The following ARFGEF2 variants were observed in gnomAD, a reference collection of about 807,000 sequenced individuals.
ARFGEF2 encodes brefeldin A-inhibited guanine nucleotide-exchange protein 2.
Under a neutral mutation model 219.9 loss-of-function variants are expected in ARFGEF2, and 74 were observed. The ratio of observed to expected loss-of-function variants is 0.34; its 90% CI spans 0.28 to 0.41. The LOEUF (loss-of-function observed/expected upper bound fraction) is 0.41, where lower values mean the gene tolerates loss of function less well. Ranked by LOEUF, ARFGEF2 falls within the 10% of genes least tolerant of loss-of-function variation. The probability of loss-of-function intolerance (pLI) is 1.00; values close to 1 mark genes in which losing one functional copy is unlikely to be tolerated. For synonymous variants in ARFGEF2, 733 were observed against 799.2 expected, an observed-to-expected ratio of 0.92 and a Z score of 1.40; for missense variants, 1,743 against 2,218.3, an observed-to-expected ratio of 0.79 and a Z score of 4.30.
At chr20:48,925,083 G>A (rs564275670) in intron 1 of ARFGEF2, among the ~76,000 whole-genome samples, 4 of 152,278 alleles carry the variant, frequency 2.6e-5, no homozygotes, top group African/African-American at 7.2e-5. Flanking sequence ...ATGTAATTAC[G>A]TGATTGAAAG....
chr20:49,002,762 GC>G (rs67267737), intron 25 of ARFGEF2, among the ~76,000 whole-genome samples: 151,932 of 151,938 alleles, frequency 1, 75,963 homozygotes, highest in South Asian at 1. Flanking sequence ...TCCTGCCTCA[GC>G]CCTCCCAAGT....
At chr20:48,971,478 G>GT (rs973859374) in intron 10 of ARFGEF2, 124 bp downstream of exon 10, 2 of 905,644 alleles carry the variant, frequency 2.2e-6, no homozygotes. Flanking sequence ...TCATGAAAAT[G>GT]TTTCATATCT....
intron 36 of ARFGEF2, among the ~76,000 whole-genome samples, chr20:49,025,684 C>G (rs1439390598): frequency 6.6e-6 from 1 of 152,120 alleles, no homozygotes; most frequent in African/African-American, 2.4e-5. Flanking sequence ...GATAAAAAGA[C>G]AAATTGAGGC....
intron 19 of ARFGEF2, 35 bp downstream of exon 19, chr20:48,989,471 A>G: frequency 3.1e-6 from 5 of 1,614,240 alleles, no homozygotes; most frequent in Non-Finnish European, 4.2e-6. Flanking sequence ...GCATGTGGCT[A>G]AGCCTGATTC....
intron 25 of ARFGEF2, among the ~76,000 whole-genome samples, chr20:49,001,051 ACT>A (rs368613454): frequency 3.0e-5 from 4 of 134,074 alleles, no homozygotes; most frequent in South Asian, 4.6e-4. Flanking sequence ...AAACTCAGGA[ACT>A]CTTTTTTTTT....
intron 6 of ARFGEF2, among the ~76,000 whole-genome samples, chr20:48,959,985 T>A (rs1447929804): frequency 6.6e-6 from 1 of 152,212 alleles, no homozygotes; most frequent in African/African-American, 2.4e-5. Context: ...ATTTTGTGAA[T>A]TTTATTGCTT....
At chr20:48,924,763 TAGG>T (rs1349894403) in intron 1 of ARFGEF2, among the ~76,000 whole-genome samples, 2 of 151,786 alleles carry the variant, frequency 1.3e-5, no homozygotes, top group Non-Finnish European at 2.9e-5. Context: ...AGATGTTAGC[TAGG>T]AGTGTATTCT....
At chr20:48,937,304 C>T (rs191208501) in intron 1 of ARFGEF2, among the ~76,000 whole-genome samples, 1 of 152,380 alleles carries the variant, frequency 6.6e-6, no homozygotes, top group African/African-American at 2.4e-5. Context: ...CGCCCTCTCC[C>T]AGCCCCTCCA....
intron 5 of ARFGEF2, 113 bp from the exon 6 acceptor site, chr20:48,953,443 T>C (rs1470080592): frequency 9.0e-6 from 9 of 995,640 alleles, no homozygotes; most frequent in Non-Finnish European, 1.3e-5. Flanking sequence ...TCCAAAGTGC[T>C]GAAATTATAG....
At chr20:48,977,766 A>G (rs1223720915) in intron 14 of ARFGEF2, among the ~76,000 whole-genome samples, 3 of 152,198 alleles carry the variant, frequency 2.0e-5, no homozygotes, top group African/African-American at 7.2e-5. Flanking sequence ...TTGGCTACAT[A>G]AATGTCTTCT....
intron 16 of ARFGEF2, among the ~76,000 whole-genome samples, chr20:48,986,413 G>C (rs1200370788): frequency 6.6e-6 from 1 of 152,074 alleles, no homozygotes; most frequent in Non-Finnish European, 1.5e-5. Context: ...CAGATCACTT[G>C]GGGTCAGGAG....
intron 8 of ARFGEF2, among the ~76,000 whole-genome samples, chr20:48,968,160 A>AT (rs781030455): frequency 6.6e-6 from 1 of 151,494 alleles, no homozygotes; most frequent in Non-Finnish European, 1.5e-5. Flanking sequence ...CGCCTGGCTA[A>AT]TTTTTTGTAT....
intron 25 of ARFGEF2, among the ~76,000 whole-genome samples, chr20:49,000,483 G>T (rs2091418727): frequency 6.6e-6 from 1 of 152,206 alleles, no homozygotes; most frequent in Admixed American, 6.5e-5. Flanking sequence ...TGATCCAGGG[G>T]AACTATTTGT....
At chr20:49,022,581 G>A (rs747645510) in intron 34 of ARFGEF2, among the ~76,000 whole-genome samples, 3 of 152,166 alleles carry the variant, frequency 2.0e-5, no homozygotes, top group South Asian at 2.1e-4. Context: ...CACAGAACCT[G>A]CATAGCTGAT....
intron 6 of ARFGEF2, among the ~76,000 whole-genome samples, chr20:48,955,439 T>C (rs990473107): frequency 2.0e-5 from 3 of 152,198 alleles, no homozygotes; most frequent in Non-Finnish European, 1.5e-5. Context: ...TGTTCACTTG[T>C]TCCTGCACTG....
rs1314343479 is a variant in ARFGEF2, at chr20:48,985,548, A to G, written c.2211A>G (p.Gly737=). Reference sequence around the variant, plus strand: ...TCCTAGAAGGTTTCCGCCTACCTGGAGAAGCCCAAAAGATTGACCGATTAA... The same window carrying G: ...TCCTAGAAGGTTTCCGCCTACCTGGGGAAGCCCAAAAGATTGACCGATTAA... The part of the protein sequence containing the change: ...RTFLEGFRLP[G]EAQKIDRLME... Residue 737 remains glycine (G), a synonymous_variant, in exon 16 of 39, where the codon GGA becomes GGG. Transcript: ENST00000371917. The G allele has an allele frequency of 1.9e-6, 3 of 1,614,108 alleles. No individual in the cohort carries two copies. Among genetic ancestry groups the G allele is most frequent in the African/African-American group, 2.7e-5 (2 of 74,920 alleles).
intron 36 of ARFGEF2, among the ~76,000 whole-genome samples, chr20:49,026,377 A>G (rs1302107746): frequency 6.6e-6 from 1 of 152,106 alleles, no homozygotes; most frequent in Non-Finnish European, 1.5e-5. Context: ...TAAATATGAC[A>G]TAAAAAGTGT....
At chr20:48,974,635 G>A (rs1568715385) in intron 12 of ARFGEF2, 131 bp from the exon 13 acceptor site, 1 of 725,692 alleles carries the variant, frequency 1.4e-6, no homozygotes, top group Middle Eastern at 3.7e-4. Flanking sequence ...CTCTGGGTTT[G>A]TTTCATTCTT....
In ARFGEF2 at chr20:49,012,044, TCATCC is replaced by T; in HGVS notation, c.3879_3883del (p.Ile1294LeufsTer8). ...GACACGAGCATGGAAGCGATTCGGCTCATCCGCTTCTGTGGCAAATACGTCTCTGA... is the reference window on the plus strand; with the variant it reads ...GACACGAGCATGGAAGCGATTCGGCTGCTTCTGTGGCAAATACGTCTCTGA... On this transcript the variant is annotated frameshift_variant, in exon 28 of 39. Transcript: ENST00000371917. LOFTEE classifies it high-confidence loss of function. 1.2e-6 allele frequency: 2 copies of T among 1,614,138 alleles called. No homozygotes were observed. Among genetic ancestry groups the T allele is most frequent in the Non-Finnish European group, 1.7e-6 (2 of 1,179,958 alleles).
Sources: gnomAD v4.1 joint callset for allele counts (sites outside exome capture counted in the v4.1 genomes callset) on GRCh38, gnomAD v4.1.1 for gene constraint, MANE v1.5 for transcripts, NCBI Gene and HGNC (gene_info 2026-07-23, HGNC 2026-07-21) for gene names.